Variants in TRANK1 observed in about 807,000 individuals in gnomAD.
TRANK1 encodes tetratricopeptide repeat and ankyrin repeat containing 1, also known as TPR and ankyrin repeat-containing protein 1.
A neutral mutation model predicts 266.0 loss-of-function variants in TRANK1; 198 were observed. That is an observed-to-expected ratio of 0.74 (90% CI 0.66 to 0.84). The LOEUF (loss-of-function observed/expected upper bound fraction) is 0.84. TRANK1 is among the 40% of genes least tolerant of loss of function. TRANK1 has a pLI of 0.00. For missense variants in TRANK1, 3,326 were observed against 3,634.6 expected (o/e 0.92, Z 2.18); for synonymous variants, 1,396 against 1,384.1 (o/e 1.01, Z -0.19).
intron 10 of TRANK1, among the ~76,000 whole-genome samples, chr3:36,863,749 C>A (rs568609893): frequency 1.3e-5 from 2 of 152,154 alleles, no homozygotes; most frequent in Non-Finnish European, 2.9e-5. Context: ...AAACTCCAAG[C>A]CTTAAATACT....
chr3:36,894,926 G>T (rs961662407), intron 5 of TRANK1, among the ~76,000 whole-genome samples: 4 of 152,156 alleles, frequency 2.6e-5, no homozygotes, highest in Non-Finnish European at 4.4e-5. Context: ...CTTAGAATAT[G>T]CCAGGTATTA....
chr3:36,923,984 CA>C (rs1374337243), intron 1 of TRANK1, among the ~76,000 whole-genome samples: 1 of 152,228 alleles, frequency 6.6e-6, no homozygotes, highest in African/African-American at 2.4e-5. Flanking sequence ...GAAGCTCATC[CA>C]GAGTGAATTC....
rs901188588 is a variant in TRANK1, at chr3:36,850,430, G to A, written c.4887+1289C>T. The A allele has an allele frequency of 1.5e-5, 15 of 985,284 alleles. No individual in the cohort carries two copies. The African/African-American group carries it at 2.3e-4, about 15-fold the overall frequency. The allele number at this position is 985,284 out of a possible 1,614,324, so 61.0% of individuals were successfully genotyped here. On this transcript the variant is annotated intron_variant, in intron 15 of 23. Transcript: ENST00000645898. ...GCATCTGAGTTCATCTCCAGGCTCT[G>A]CCATCTACATTACGACTATGAGAAA... is the stretch of plus-strand genomic sequence containing the variant.
In TRANK1 at chr3:36,864,303, T is replaced by C. The variant is rs967029016; in HGVS notation, c.1240+16A>G. The C allele has an allele frequency of 7.4e-6, 11 of 1,491,994 alleles. No homozygotes were observed. The highest frequency in any genetic ancestry group is 8.9e-6 in the Non-Finnish European group (10 of 1,128,582). The allele number at this position is 1,491,994 out of a possible 1,614,324, so 92.4% of individuals were successfully genotyped here. A position where few individuals can be genotyped will look rare whatever the true frequency, so the allele number is the denominator to read the frequency against. The stretch of plus-strand genomic sequence containing the variant: ...AAATCATTTTTAACATCATTGAACG[T>C]TGTGGAAAAAATTACCTTGCAGAGT... On this transcript the variant is annotated intron_variant, in intron 10 of 23. Coordinates refer to ENST00000645898, the MANE Select transcript of TRANK1 (RefSeq NM_001329998.2).
intron 1 of TRANK1, among the ~76,000 whole-genome samples, chr3:36,930,359 G>T (rs1375738946): frequency 3.3e-5 from 5 of 152,178 alleles, no homozygotes; most frequent in African/African-American, 1.2e-4. Context: ...CAACATGAGT[G>T]AGTCTGGAAG....
Position 36,847,232 on chromosome 3 carries a change from G to A in TRANK1, c.5002C>T (p.Arg1668Ter), listed in dbSNP as rs902370280. ...ATTTCTGGATTCACCATGAGAGATCGACCCTGAGAAGAGCCTGGTTTGTCC... is the reference window on the plus strand; with the variant it reads ...ATTTCTGGATTCACCATGAGAGATCAACCCTGAGAAGAGCCTGGTTTGTCC... ...PLDKPGSSQGRSLMVNPEMYK... is the reference protein window; with the variant it reads ...PLDKPGSSQG The change falls in exon 16 of 24, where the codon CGA (arginine) becomes TGA (stop). Residue 1668 changes from arginine to a stop codon, truncating the protein, a stop_gained. Coordinates refer to ENST00000645898, the MANE Select transcript of TRANK1 (RefSeq NM_001329998.2). LOFTEE classifies it high-confidence loss of function. The A allele has an allele frequency of 5.6e-6, 9 of 1,613,230 alleles. No individual in the cohort carries two copies. Among genetic ancestry groups the A allele is most frequent in the East Asian group, 2.2e-5 (1 of 44,882 alleles).
chr3:36,875,455 C>T (rs968055281), intron 8 of TRANK1, among the ~76,000 whole-genome samples: 1 of 152,206 alleles, frequency 6.6e-6, no homozygotes, highest in Non-Finnish European at 1.5e-5. Context: ...TGGATTCTTC[C>T]ACAACCATGT....
At position 36,899,279 on chromosome 3, in the gene TRANK1, A is replaced by C; in HGVS notation, c.283-20T>G. The C allele has an allele frequency of 6.5e-7, 1 of 1,535,602 alleles. No individual in the cohort carries two copies. The highest frequency in any genetic ancestry group is 8.7e-7 in the Non-Finnish European group (1 of 1,146,260). The stretch of plus-strand genomic sequence containing the variant: ...GTATCCCTGGAACAGGATAAAAAGC[A>C]AAACTGTCATGTACCACATCTCCTT... On this transcript the variant is annotated intron_variant, in intron 3 of 23. Transcript: ENST00000645898.
chr3:36,838,480 T>C lies in TRANK1; in HGVS notation c.5409A>G (p.Glu1803=). The change falls in exon 20 of 24, where the codon GAA becomes GAG. Residue 1803 remains glutamate, a synonymous_variant. Coordinates refer to ENST00000645898, the MANE Select transcript of TRANK1 (RefSeq NM_001329998.2). ...SPKEKQLEYL[E]LAKTYLECKE... ...TGCACTCCAAATAGGTCTTAGCCAA[T>C]TCCAAATATTCCAACTGCTTTTCCC... 1.2e-6 allele frequency: 2 copies of C among 1,614,042 alleles called. No individual in the cohort carries two copies. The highest frequency in any genetic ancestry group is 8.5e-7 in the Non-Finnish European group (1 of 1,179,902).
Position 36,858,947 on chromosome 3 carries a change from C to G in TRANK1, c.1496-53G>C, listed in dbSNP as rs908725202. The G allele has an allele frequency of 4.8e-6, 7 of 1,455,426 alleles. No homozygotes were observed. In the African/African-American group the frequency reaches 8.5e-5, roughly 18 times the overall value. The allele number at this position is 1,455,426 out of a possible 1,614,324, so 90.2% of individuals were successfully genotyped here. ...TGTGAGCAGGCACAGCCTGGCTCGC[C>G]TGACGAGAGAAGGAATGCTTCAGTT... is the stretch of plus-strand genomic sequence containing the variant. On this transcript the variant is annotated intron_variant, in intron 11 of 23. Coordinates refer to ENST00000645898, the MANE Select transcript of TRANK1 (RefSeq NM_001329998.2).
intron 3 of TRANK1, among the ~76,000 whole-genome samples, chr3:36,901,097 GGTTGTT>G (rs1476658605): frequency 4.5e-5 from 5 of 111,892 alleles, no homozygotes; most frequent in African/African-American, 1.8e-4. Context: ...TCAGATTCAA[GGTTGTT>G]TTTTTTTTTT....
upstream of TRANK1, among the ~76,000 whole-genome samples, chr3:36,945,692 T>C (rs558948272): frequency 6.6e-6 from 1 of 152,324 alleles, no homozygotes; most frequent in East Asian, 1.9e-4. Flanking sequence ...CCAGCGGTTC[T>C]CGGCCTAGGG....
intron 17 of TRANK1, among the ~76,000 whole-genome samples, chr3:36,844,275 G>T (rs2078886457): frequency 6.6e-6 from 1 of 152,062 alleles, no homozygotes; most frequent in Non-Finnish European, 1.5e-5. Context: ...CACCCAGGCT[G>T]GAGTGCAGTG....
Position 36,831,973 on chromosome 3 carries a change from T to A in TRANK1, c.7610A>T (p.Glu2537Val). The change falls in exon 22 of 24, where the codon GAG becomes GTG. Residue 2537 changes from glutamate (E) to valine (V), a missense_variant. Coordinates refer to ENST00000645898, the MANE Select transcript of TRANK1 (RefSeq NM_001329998.2). The surrounding 1 kb of genome is among the most constrained non-coding windows in gnomAD (Gnocchi z 5.0). ...AAGCAGGACGTTGAAGTTCACATTCTCATAGCCACATAGCACCTTGGCGAG... is the reference window on the plus strand; with the variant it reads ...AAGCAGGACGTTGAAGTTCACATTCACATAGCCACATAGCACCTTGGCGAG... ...SYLAKVLCGY[E>V]NVNFNVLLDA... 6.2e-7 allele frequency: 1 copy of A among 1,614,026 alleles called. No individual in the cohort carries two copies. Among genetic ancestry groups the A allele is most frequent in the Non-Finnish European group, 8.5e-7 (1 of 1,179,900 alleles).
Position 36,856,821 on chromosome 3 carries a change from G to A in TRANK1, c.2901C>T (p.Ser967=). Residue 967 remains serine, a synonymous_variant, in exon 13 of 24, where the codon TCC becomes TCT. Coordinates refer to ENST00000645898, the MANE Select transcript of TRANK1 (RefSeq NM_001329998.2). The part of the protein sequence containing the change: ...AICNAYNRGL[S]CVLRKKLKGI... ...CTTTCAGCTTCTTCCGCAGGACACA[G>A]GACAAGCCCCGGTTGTAGGCATTGC... 1 of 1,613,996 alleles carries A rather than the reference G, an allele frequency of 6.2e-7. No homozygotes were observed. The highest frequency in any genetic ancestry group is 8.5e-7 in the Non-Finnish European group (1 of 1,179,882).
At chr3:36,936,700 G>A (rs928157640) in intron 1 of TRANK1, among the ~76,000 whole-genome samples, 3 of 152,078 alleles carry the variant, frequency 2.0e-5, no homozygotes, top group South Asian at 2.1e-4. Flanking sequence ...TGAGAGCCTC[G>A]CCCCACATTT....
intron 1 of TRANK1, among the ~76,000 whole-genome samples, chr3:36,943,881 A>AT (rs1354620535): frequency 1.3e-5 from 2 of 151,574 alleles, no homozygotes; most frequent in East Asian, 1.9e-4. Context: ...TGCTTCTTAA[A>AT]TTTTTTTTTC....
intron 5 of TRANK1, among the ~76,000 whole-genome samples, chr3:36,895,085 G>A (rs2079768804): frequency 6.6e-6 from 1 of 152,188 alleles, no homozygotes; most frequent in Non-Finnish European, 1.5e-5. Flanking sequence ...AAGACTCAAA[G>A]GGGAAGTAAT....
At chr3:36,923,151 G>A (rs552920634) in intron 1 of TRANK1, among the ~76,000 whole-genome samples, 3 of 152,244 alleles carry the variant, frequency 2.0e-5, no homozygotes, top group Non-Finnish European at 4.4e-5. Context: ...TTGTTTCCTG[G>A]CAGTCAGCTC....
Sources: gnomAD v4.1 joint callset for allele counts (sites outside exome capture counted in the v4.1 genomes callset) on GRCh38, gnomAD v4.1.1 for gene constraint, Gnocchi (gnomAD v3.1) non-coding constraint, MANE v1.5 for transcripts, NCBI Gene and HGNC (gene_info 2026-07-23, HGNC 2026-07-21) for gene names.